GRIK3: variants seen among roughly 807,000 people sequenced by gnomAD.
GRIK3 encodes the protein glutamate receptor ionotropic, kainate 3.
In GRIK3, 29 loss-of-function variants were observed where a neutral mutation model predicts 102.5. The observed-to-expected ratio is 0.28, with a 90% confidence interval of 0.21 to 0.39. The LOEUF is 0.39. Ranked by LOEUF, GRIK3 falls within the 10% of genes least tolerant of loss-of-function variation. The pLI is 1.00. For synonymous variants in GRIK3, 511 were observed against 504.9 expected (o/e 1.01, Z -0.16); for missense variants, 908 against 1,252.4 (o/e 0.73, Z 4.15).
intron 9 of GRIK3, among the ~76,000 whole-genome samples, chr1:36,848,946 G>C (rs1640549856): frequency 6.6e-6 from 1 of 152,142 alleles, no homozygotes; most frequent in South Asian, 2.1e-4. Flanking sequence ...CCCCAAAGAG[G>C]GGGACAGGTG....
At chr1:36,982,751 C>A (rs918302251) in intron 1 of GRIK3, among the ~76,000 whole-genome samples, 5 of 139,322 alleles carry the variant, frequency 3.6e-5, no homozygotes, top group Non-Finnish European at 6.0e-5. Context: ...TTTAAGCAGG[C>A]AGGAAAGTGG....
At chr1:36,911,211 T>A (rs1201462391) in intron 1 of GRIK3, among the ~76,000 whole-genome samples, 1 of 151,462 alleles carries the variant, frequency 6.6e-6, no homozygotes, top group East Asian at 1.9e-4. Flanking sequence ...GAGGTGGGGG[T>A]CTGGGAGAGG....
At chr1:36,822,463 G>A (rs1471206733) in intron 11 of GRIK3, among the ~76,000 whole-genome samples, 4 of 152,174 alleles carry the variant, frequency 2.6e-5, no homozygotes, top group Non-Finnish European at 5.9e-5. Context: ...AACCCTCCTC[G>A]GCCACAGGAG....
chr1:36,941,999 A>T (rs1641726276), intron 1 of GRIK3, among the ~76,000 whole-genome samples: 1 of 152,120 alleles, frequency 6.6e-6, no homozygotes, highest in Non-Finnish European at 1.5e-5. Flanking sequence ...CGTTAGAGAA[A>T]TTCATCTGTT....
chr1:36,988,013 G>C (rs1469140012), intron 1 of GRIK3, among the ~76,000 whole-genome samples: 3 of 151,842 alleles, frequency 2.0e-5, no homozygotes, highest in African/African-American at 7.3e-5. Flanking sequence ...GCCTGAGGCC[G>C]AGTATGGTGG....
chr1:36,956,307 C>T (rs1384481850), intron 1 of GRIK3, among the ~76,000 whole-genome samples: 11 of 152,290 alleles, frequency 7.2e-5, no homozygotes, highest in Admixed American at 5.9e-4. Flanking sequence ...GGCCAAGGTG[C>T]TGCATAGGCA....
rs553033859 is a variant in GRIK3 at position 36,814,512 on chromosome 1, C to G, written c.2091+2548G>C. On this transcript the variant is annotated intron_variant, in intron 13 of 15. Transcript: ENST00000373091. The stretch of plus-strand genomic sequence containing the variant: ...GGACCATTATACACATACATAGACC[C>G]CCCCCCCCCACACACAGAGACACAT... 2.0e-3 allele frequency among the ~76,000 whole-genome samples: 248 copies of G among 124,864 alleles called. 3 individuals are homozygous for G. Among genetic ancestry groups the G allele is most frequent in the African/African-American group, 7.2e-3 (229 of 31,602 alleles). The allele number at this position is 124,864 out of a possible 152,430, so 81.9% of individuals were successfully genotyped here.
intron 2 of GRIK3, among the ~76,000 whole-genome samples, chr1:36,883,669 A>T (rs1260788173): frequency 6.6e-6 from 1 of 151,988 alleles, no homozygotes; most frequent in Non-Finnish European, 1.5e-5. Context: ...GGTCCCACTG[A>T]CTCCTTGTCC....
At chr1:37,031,826 T>C (rs1367264404) in intron 1 of GRIK3, among the ~76,000 whole-genome samples, 1 of 152,168 alleles carries the variant, frequency 6.6e-6, no homozygotes, top group Non-Finnish European at 1.5e-5. Context: ...CCACTGTAGC[T>C]CCCTGGCTCC....
intron 1 of GRIK3, among the ~76,000 whole-genome samples, chr1:36,969,672 T>C (rs915194838): frequency 1.3e-5 from 2 of 152,144 alleles, no homozygotes; most frequent in Non-Finnish European, 2.9e-5. Context: ...AGGGCTTCAT[T>C]GTAGAGAGGA....
intron 1 of GRIK3, among the ~76,000 whole-genome samples, chr1:37,009,076 AAT>A (rs1642561648): frequency 1.9e-5 from 1 of 53,050 alleles, no homozygotes; most frequent in African/African-American, 1.8e-4. Context: ...ATGGAGATGT[AAT>A]AATAATAATA....
At chr1:36,853,941 T>G (rs1640617425) in intron 7 of GRIK3, among the ~76,000 whole-genome samples, 1 of 152,220 alleles carries the variant, frequency 6.6e-6, no homozygotes, top group African/African-American at 2.4e-5. Context: ...CATTTGCACC[T>G]TCTCGTGTAC....
intron 13 of GRIK3, among the ~76,000 whole-genome samples, chr1:36,813,699 G>T (rs1381231904): frequency 2.0e-5 from 3 of 151,834 alleles, no homozygotes; most frequent in African/African-American, 7.3e-5. Flanking sequence ...AACTACAGAG[G>T]GCAGAGGGGT....
chr1:36,907,468 C>G (rs969065470), intron 1 of GRIK3, among the ~76,000 whole-genome samples: 1 of 152,100 alleles, frequency 6.6e-6, no homozygotes, highest in Non-Finnish European at 1.5e-5. Context: ...GGAGGCCCAT[C>G]GTTAGAAAAG....
intron 1 of GRIK3, among the ~76,000 whole-genome samples, chr1:36,957,319 T>C (rs1008518437): frequency 7.6e-5 from 8 of 104,612 alleles, no homozygotes; most frequent in African/African-American, 3.5e-4. Context: ...CTCATGACTT[T>C]GTGCCCCGTG....
At chr1:36,968,053 G>A (rs750506486) in intron 1 of GRIK3, among the ~76,000 whole-genome samples, 8 of 152,244 alleles carry the variant, frequency 5.3e-5, no homozygotes, top group African/African-American at 1.2e-4. Context: ...CAGAGCACTG[G>A]GGTTCTGTGA....
At chr1:37,004,402 A>G (rs918595708) in intron 1 of GRIK3, among the ~76,000 whole-genome samples, 1 of 152,228 alleles carries the variant, frequency 6.6e-6, no homozygotes, top group Non-Finnish European at 1.5e-5. Context: ...GTTCCCTCTG[A>G]GAGCTAAGTG....
chr1:36,831,535 T>C (rs545033136), intron 10 of GRIK3, among the ~76,000 whole-genome samples: 4 of 152,340 alleles, frequency 2.6e-5, no homozygotes, highest in East Asian at 1.9e-4. Context: ...TCCGTATCCA[T>C]GGTGCTAATT....
intron 5 of GRIK3, among the ~76,000 whole-genome samples, chr1:36,860,515 T>C (rs939801317): frequency 6.6e-6 from 1 of 152,074 alleles, no homozygotes; most frequent in African/African-American, 2.4e-5. Context: ...CTCCCCCTTT[T>C]CCCCCGATCC....
Sources: allele counts gnomAD v4.1 joint callset (sites outside exome capture counted in the v4.1 genomes callset), GRCh38; gene constraint gnomAD v4.1.1; transcripts MANE v1.5; gene names NCBI Gene and HGNC (gene_info 2026-07-23, HGNC 2026-07-21).